CNTNAP3: variants seen among roughly 807,000 people sequenced by gnomAD.
CNTNAP3 encodes the protein contactin associated protein family member 3, also known as contactin-associated protein-like 3.
A neutral mutation model predicts 92.1 loss-of-function variants in CNTNAP3; 36 were observed. The observed-to-expected ratio is 0.39, with a 90% CI of 0.30 to 0.52. The LOEUF (loss-of-function observed/expected upper bound fraction) is 0.52, where lower values mean the gene tolerates loss of function less well. Ranked by LOEUF, CNTNAP3 falls within the 20% of genes least tolerant of loss-of-function variation. CNTNAP3 has a pLI of 0.76. For synonymous variants in CNTNAP3, 232 were observed against 422.3 expected (o/e 0.55, Z 5.53); for missense variants, 534 against 1,069.6 (o/e 0.50, Z 6.98).
chr9:39,082,781 GGTGCA>G (rs1229606842), intron 21 of CNTNAP3, among the ~76,000 whole-genome samples: 1 of 152,300 alleles, frequency 6.6e-6, no homozygotes, highest in Non-Finnish European at 1.5e-5. Context: ...CCTGGCCACA[GGTGCA>G]GCCTTCATCT....
At chr9:39,112,874 A>G (rs1401973265) in intron 14 of CNTNAP3, among the ~76,000 whole-genome samples, 2 of 152,136 alleles carry the variant, frequency 1.3e-5, no homozygotes, top group East Asian at 1.9e-4. Flanking sequence ...CATCTTAAAA[A>G]TTATCTTGCT....
Position 39,082,098 on chromosome 9 carries a change from AC to A in CNTNAP3, c.3443-3179del, listed in dbSNP as rs1211548946. Among the ~76,000 whole-genome samples, 372 of 147,004 alleles carry A rather than the reference AC, an allele frequency of 2.5e-3. 23 individuals carry two copies. Among genetic ancestry groups the A allele is most frequent in the African/African-American group, 8.9e-3 (355 of 39,770 alleles). On this transcript the variant is annotated intron_variant, in intron 21 of 23. Coordinates refer to ENST00000297668, the MANE Select transcript of CNTNAP3 (RefSeq NM_033655.5). ...TGAAACTCGATCTCAAAAAAAAAAA[AC>A]AAAGAAACTCAAATCAATTAAAATT...
chr9:39,143,222 T>C (rs1485721309), intron 11 of CNTNAP3, among the ~76,000 whole-genome samples: 1 of 150,540 alleles, frequency 6.6e-6, no homozygotes, highest in Non-Finnish European at 1.5e-5. Context: ...GCAGAGGCAG[T>C]TGAGAAGTGT....
rs1825885679 is a variant in CNTNAP3, at chr9:39,079,704, A to G, written c.3443-784T>C. 1.7e-5 allele frequency among the ~76,000 whole-genome samples: 2 copies of G among 119,268 alleles called. 1 individual carries two copies. Among genetic ancestry groups the G allele is most frequent in the African/African-American group, 7.7e-5 (2 of 26,036 alleles). 78.2% of individuals were successfully genotyped at this position (119,268 alleles called of 152,430 possible). On this transcript the variant is annotated intron_variant, in intron 21 of 23. Coordinates refer to ENST00000297668, the MANE Select transcript of CNTNAP3 (RefSeq NM_033655.5). ...TTTTTCCTTTTATTTTGCTGGTTTAATCAGTTTCCTTCTTATTTCCTGCTT... is the reference window on the plus strand; with the variant it reads ...TTTTTCCTTTTATTTTGCTGGTTTAGTCAGTTTCCTTCTTATTTCCTGCTT...
intron 13 of CNTNAP3, among the ~76,000 whole-genome samples, chr9:39,122,074 G>A (rs1438793403): frequency 6.6e-6 from 1 of 152,196 alleles, no homozygotes; most frequent in Non-Finnish European, 1.5e-5. Context: ...GATGCTTCTG[G>A]CCGGGCGCGG....
At chr9:39,111,964 C>A (rs1361910914) in intron 14 of CNTNAP3, among the ~76,000 whole-genome samples, 2 of 151,974 alleles carry the variant, frequency 1.3e-5, no homozygotes, top group Admixed American at 1.3e-4. Context: ...CTTTGGAGAT[C>A]AAAATAGAAT....
chr9:39,168,297 G>A (rs867537764), intron 8 of CNTNAP3, among the ~76,000 whole-genome samples: 3 of 150,946 alleles, frequency 2.0e-5, no homozygotes, highest in South Asian at 2.1e-4. Context: ...GATTACAGGC[G>A]TGAGCCACCA....
intron 18 of CNTNAP3, among the ~76,000 whole-genome samples, chr9:39,098,453 A>G (rs1485564378): frequency 6.6e-6 from 1 of 152,134 alleles, no homozygotes; most frequent in Non-Finnish European, 1.5e-5. Flanking sequence ...ATCTAACTAT[A>G]ACATATGCCC....
intron 10 of CNTNAP3, 88 bp from the exon 11 acceptor site, chr9:39,144,434 G>T: frequency 1.3e-6 from 2 of 1,499,162 alleles, no homozygotes; most frequent in Non-Finnish European, 8.9e-7. Flanking sequence ...CCAAAAACAG[G>T]TTAATGTGAA....
intron 12 of CNTNAP3, chr9:39,139,641 G>T (rs1198761190): frequency 1.3e-5 from 2 of 152,122 alleles, no homozygotes; most frequent in Non-Finnish European, 2.9e-5. Context: ...CCACTTTGCA[G>T]AGAGTTGGAA....
At chr9:39,126,489 CA>C (rs1322031959) in intron 13 of CNTNAP3, among the ~76,000 whole-genome samples, 1 of 152,060 alleles carries the variant, frequency 6.6e-6, no homozygotes, top group Non-Finnish European at 1.5e-5. Context: ...CAAAACCTTA[CA>C]AAAAAGTAAA....
rs754592587 is a variant in CNTNAP3, at chr9:39,109,182, C to T, written c.2343G>A (p.Gly781=). The T allele has an allele frequency of 4.3e-6, 7 of 1,612,942 alleles. No individual in the cohort carries two copies. Among genetic ancestry groups the T allele is most frequent in the Non-Finnish European group, 5.9e-6 (7 of 1,179,778 alleles). The change falls in exon 15 of 24, where the codon GGG becomes GGA. Residue 781 remains glycine, a synonymous_variant. Transcript: ENST00000297668. ...TACGATCTCCGCGGCAGAGCAGTGGCCCCAGTGTATAAGCTGCTTCGGAAT... is the reference window on the plus strand; with the variant it reads ...TACGATCTCCGCGGCAGAGCAGTGGTCCCAGTGTATAAGCTGCTTCGGAAT... ...RPHSEAAYTL[G]PLLCRGDQSF... is the part of the protein sequence containing the mutation.
At chr9:39,170,418 G>A (rs1822236537) in intron 8 of CNTNAP3, among the ~76,000 whole-genome samples, 1 of 120,100 alleles carries the variant, frequency 8.3e-6, no homozygotes, top group East Asian at 2.2e-4. Flanking sequence ...TTCAGATTAC[G>A]CTTTTTTTTT....
intron 14 of CNTNAP3, among the ~76,000 whole-genome samples, chr9:39,113,348 C>T (rs1329955791): frequency 6.6e-6 from 1 of 152,130 alleles, no homozygotes; most frequent in African/African-American, 2.4e-5. Context: ...CATAAAAGTA[C>T]TGCAGTTATT....
chr9:39,082,372 T>C (rs1488874198), intron 21 of CNTNAP3, among the ~76,000 whole-genome samples: 2 of 151,984 alleles, frequency 1.3e-5, no homozygotes, highest in Non-Finnish European at 2.9e-5. Context: ...CTTAGAATTT[T>C]CTATCGAAGA....
chr9:39,098,910 TATAA>T (rs1194797231), intron 18 of CNTNAP3, among the ~76,000 whole-genome samples: 2 of 151,928 alleles, frequency 1.3e-5, no homozygotes, highest in African/African-American at 4.8e-5. Flanking sequence ...ATAAAAGTAT[TATAA>T]ATATATTAAA....
intron 15 of CNTNAP3, 26 bp downstream of exon 15, chr9:39,109,134 T>C (rs1268030050): frequency 6.3e-7 from 1 of 1,597,406 alleles, no homozygotes. Context: ...ATTATGAAAA[T>C]AAAGCTTTTT....
intron 13 of CNTNAP3, among the ~76,000 whole-genome samples, chr9:39,131,671 C>CA (rs1821297012): frequency 6.6e-6 from 1 of 152,152 alleles, no homozygotes; most frequent in South Asian, 2.1e-4. Context: ...ACTAAAAATA[C>CA]AAAAATTAGC....
chr9:39,144,951 C>T (rs1758291), intron 10 of CNTNAP3, among the ~76,000 whole-genome samples: 367 of 147,668 alleles, frequency 2.5e-3, no homozygotes, highest in African/African-American at 8.2e-3. Flanking sequence ...TATTAAAATC[C>T]CAATGCCTTT....
Sources: allele counts gnomAD v4.1 joint callset (sites outside exome capture counted in the v4.1 genomes callset), GRCh38; gene constraint gnomAD v4.1.1; transcripts MANE v1.5; gene names NCBI Gene and HGNC (gene_info 2026-07-23, HGNC 2026-07-21).